Variants in UNC13C observed in about 807,000 individuals in gnomAD.
The protein encoded by UNC13C is protein unc-13 homolog C.
Under a neutral mutation model 245.4 loss-of-function variants are expected in UNC13C, and 174 were observed. The observed-to-expected ratio is 0.71, with a 90% CI of 0.63 to 0.80. The LOEUF is 0.80. UNC13C is among the 30% of genes least tolerant of loss of function. The pLI, the probability that UNC13C is intolerant of heterozygous loss-of-function variation, is 0.00. For synonymous variants in UNC13C, 992 were observed against 895.1 expected (o/e 1.11, Z -1.93); for missense variants, 2,829 against 2,602.9 (o/e 1.09, Z -1.89).
rs372623344 is a variant in UNC13C at position 54,186,836 on chromosome 15, A to AATATATATATATATATATATATAT, written c.3071+43160_3071+43161insATATATATATATATATATATATAT. On this transcript the variant is annotated intron_variant, in intron 4 of 32. Coordinates refer to ENST00000260323, the MANE Select transcript of UNC13C (RefSeq NM_001080534.3). ...GTCCACTGACACATACAAAGAACAT[A>AATATATATATATATATATATATAT]ATATATATGTATATATATATTTTGT... Among the ~76,000 whole-genome samples the AATATATATATATATATATATATAT allele has an allele frequency of 1.3e-3, 160 of 126,110 alleles. 8 individuals carry two copies. Among genetic ancestry groups the AATATATATATATATATATATATAT allele is most frequent in the Middle Eastern group, 3.6e-3 (1 of 276 alleles). The allele number at this position is 126,110 out of a possible 152,430, so 82.7% of individuals were successfully genotyped here. A position where few individuals can be genotyped will look rare whatever the true frequency, so the allele number is the denominator to read the frequency against.
chr15:54,623,337 G>C (rs934771242), intron 31 of UNC13C, among the ~76,000 whole-genome samples: 2 of 151,870 alleles, frequency 1.3e-5, no homozygotes, highest in Non-Finnish European at 2.9e-5. Context: ...AGCCATGATA[G>C]ACTTAAAAAA....
At chr15:54,444,930 A>C (rs1345921105) in intron 19 of UNC13C, among the ~76,000 whole-genome samples, 1 of 150,688 alleles carries the variant, frequency 6.6e-6, no homozygotes, top group Admixed American at 6.6e-5. Context: ...CTCATCCTTT[A>C]CATTAGGTAT....
intron 19 of UNC13C, among the ~76,000 whole-genome samples, chr15:54,494,226 G>T (rs1024429706): frequency 1.3e-5 from 2 of 152,022 alleles, no homozygotes; most frequent in Non-Finnish European, 2.9e-5. Context: ...AAAACTTAAA[G>T]AATAATTTTA....
intron 2 of UNC13C, among the ~76,000 whole-genome samples, chr15:54,076,757 G>A (rs1211083639): frequency 1.3e-5 from 2 of 152,058 alleles, no homozygotes; most frequent in Non-Finnish European, 2.9e-5. Flanking sequence ...TTCCATGTTC[G>A]GTTTTAGGTC....
Position 53,993,973 on chromosome 15 carries a change from T to C in UNC13C, c.-257+15046T>C, listed in dbSNP as rs114401907. On this transcript the variant is annotated intron_variant, in intron 1 of 32. Transcript: ENST00000260323. ...GAGCTTTTGATGGATAGACATTGTA[T>C]ATTTTTACCCCTGTGCTTATTATAG... 2.1e-3 allele frequency among the ~76,000 whole-genome samples: 325 copies of C among 152,172 alleles called. 2 individuals are homozygous for C. Among genetic ancestry groups the C allele is most frequent in the African/African-American group, 7.5e-3 (312 of 41,530 alleles).
intron 4 of UNC13C, among the ~76,000 whole-genome samples, chr15:54,144,549 C>T (rs916771688): frequency 6.6e-6 from 1 of 152,182 alleles, no homozygotes; most frequent in Non-Finnish European, 1.5e-5. Flanking sequence ...TTCCTTCAGA[C>T]AGCTAGTGAG....
intron 18 of UNC13C, among the ~76,000 whole-genome samples, chr15:54,394,748 A>T (rs1036027714): frequency 6.6e-6 from 1 of 151,880 alleles, no homozygotes; most frequent in Non-Finnish European, 1.5e-5. Flanking sequence ...TTTACCAAGT[A>T]TCTTAAATCA....
intron 8 of UNC13C, among the ~76,000 whole-genome samples, chr15:54,258,174 A>G (rs2036328450): frequency 6.6e-6 from 1 of 151,668 alleles, no homozygotes; most frequent in Middle Eastern, 3.2e-3. Flanking sequence ...AAAAAAATAA[A>G]TAAGTTATTT....
intron 17 of UNC13C, among the ~76,000 whole-genome samples, chr15:54,387,357 C>T (rs2039860892): frequency 6.6e-6 from 1 of 152,092 alleles, no homozygotes. Context: ...TTCCTTTAAA[C>T]CATGTAAGAT....
At chr15:53,946,236 G>A in the UNC13C span, among the ~76,000 whole-genome samples, 1 of 151,890 alleles carries the variant, frequency 6.6e-6, no homozygotes, top group Non-Finnish European at 1.5e-5. Context: ...TCTTTATCTT[G>A]ACTGATTGCT....
At chr15:54,082,385 C>A (rs9672621) in intron 2 of UNC13C, among the ~76,000 whole-genome samples, 2 of 151,966 alleles carry the variant, frequency 1.3e-5, no homozygotes, top group Non-Finnish European at 2.9e-5. Flanking sequence ...ACTTTTTCTT[C>A]TTCTCTATCA....
At chr15:54,219,687 C>T (rs1407515157) in intron 4 of UNC13C, among the ~76,000 whole-genome samples, 30 of 151,514 alleles carry the variant, frequency 2.0e-4, no homozygotes, top group African/African-American at 6.1e-4. Flanking sequence ...AGAAAATTTT[C>T]GCAACCTACT....
At chr15:54,333,675 C>A in intron 15 of UNC13C, 92 bp from the exon 16 acceptor site, 2 of 753,196 alleles carry the variant, frequency 2.7e-6, no homozygotes, top group East Asian at 2.7e-5. Flanking sequence ...GTTTACTTTC[C>A]ATTTTCTTTC....
intron 30 of UNC13C, among the ~76,000 whole-genome samples, chr15:54,597,657 C>G (rs185635348): frequency 1.3e-5 from 2 of 152,034 alleles, no homozygotes; most frequent in African/African-American, 4.8e-5. Flanking sequence ...GTAACCTACA[C>G]GACACATACT....
At chr15:53,838,889 T>C in the UNC13C span, among the ~76,000 whole-genome samples, 40 of 152,200 alleles carry the variant, frequency 2.6e-4, no homozygotes, top group East Asian at 6.9e-3. Context: ...ATTCAACTTC[T>C]GGTTAAGGTA....
intron 4 of UNC13C, among the ~76,000 whole-genome samples, chr15:54,224,692 T>G (rs2035324562): frequency 6.6e-6 from 1 of 152,166 alleles, no homozygotes; most frequent in Admixed American, 6.5e-5. Context: ...TCTCCTACAT[T>G]ATTTCTCAGA....
intron 17 of UNC13C, among the ~76,000 whole-genome samples, chr15:54,349,313 C>T (rs2038928885): frequency 6.6e-6 from 1 of 151,320 alleles, no homozygotes; most frequent in East Asian, 1.9e-4. Context: ...AATTCAGAGC[C>T]TGAAAAATGA....
intron 2 of UNC13C, among the ~76,000 whole-genome samples, chr15:54,072,198 G>A (rs1898361755): frequency 6.6e-6 from 1 of 152,178 alleles, no homozygotes; most frequent in Admixed American, 6.5e-5. Context: ...GTAGTGAGCA[G>A]GGGTGCATTT....
At chr15:54,167,488 C>G (rs1182114542) in intron 4 of UNC13C, among the ~76,000 whole-genome samples, 1 of 116,602 alleles carries the variant, frequency 8.6e-6, no homozygotes, top group Admixed American at 1.1e-4. Flanking sequence ...GGTGACAGAG[C>G]GACACTCGTC....
Sources: gnomAD v4.1 joint callset for allele counts (sites outside exome capture counted in the v4.1 genomes callset) on GRCh38, gnomAD v4.1.1 for gene constraint, MANE v1.5 for transcripts, NCBI Gene and HGNC (gene_info 2026-07-23, HGNC 2026-07-21) for gene names.